HOXD10: variants seen among roughly 807,000 people sequenced by gnomAD.
The protein encoded by HOXD10 is homeobox D10, also known as homeobox protein Hox-D10.
Under a neutral mutation model 27.0 loss-of-function variants are expected in HOXD10, and 15 were observed. The ratio of observed to expected loss-of-function variants is 0.56; its 90% CI spans 0.37 to 0.85. HOXD10 has a LOEUF of 0.85. Ranked by LOEUF, HOXD10 falls within the 40% of genes least tolerant of loss-of-function variation. HOXD10 has a pLI of 0.00. For missense variants in HOXD10, 440 were observed against 430.4 expected, an observed-to-expected ratio of 1.02 and a Z score of -0.20; for synonymous variants, 178 against 160.9, an observed-to-expected ratio of 1.11 and a Z score of -0.80.
At position 176,118,836 on chromosome 2, in the gene HOXD10, G is replaced by A. The variant is rs1689809309; in HGVS notation, c.746-118G>A. 5 of 899,136 alleles carry A rather than the reference G, an allele frequency of 5.6e-6. No individual in the cohort carries two copies. In the East Asian group the frequency reaches 7.8e-5, roughly 14 times the overall value. The allele number at this position is 899,136 out of a possible 1,614,324, so 55.7% of individuals were successfully genotyped here. A position where few individuals can be genotyped will look rare whatever the true frequency, so the allele number is the denominator to read the frequency against. On this transcript the variant is annotated intron_variant, in intron 1 of 1. Transcript: ENST00000249501. ...TCACGGCCAAGGGTACATTTGAACAGTCTGAAGAAAAAAACAAAAACGAAA... is the reference window on the plus strand; with the variant it reads ...TCACGGCCAAGGGTACATTTGAACAATCTGAAGAAAAAAACAAAAACGAAA...
rs1448543493 is a variant in HOXD10, at chr2:176,118,886, A to C, written c.746-68A>C. The C allele has an allele frequency of 4.8e-5, 68 of 1,427,492 alleles. No homozygotes were observed. The East Asian group carries it at 1.6e-3, about 33-fold the overall frequency. The allele number at this position is 1,427,492 out of a possible 1,614,324, so 88.4% of individuals were successfully genotyped here. On this transcript the variant is annotated intron_variant, in intron 1 of 1. Transcript: ENST00000249501. The stretch of plus-strand genomic sequence containing the variant: ...AACCAAAACCAAAACCAAAACAAAA[A>C]CAAAAACAAAAACAAACAAACAAAA...
At position 176,119,278 on chromosome 2, in the gene HOXD10, G is replaced by T. The variant is rs114746583; in HGVS notation, c.*47G>T. The T allele has an allele frequency of 0.017, 27,673 of 1,598,680 alleles. 262 individuals are homozygous for T. Among genetic ancestry groups the T allele is most frequent in the Non-Finnish European group, 0.02 (23,618 of 1,170,402 alleles). ...GGTCAGAGGCCAGGATTGGAGAGGG[G>T]GCACCGCGTTCCAGGGCCCAGTGCT... On this transcript the variant is annotated 3_prime_UTR_variant, in exon 2 of 2. Transcript: ENST00000249501.
chr2:176,118,837 T>A, intron 1 of HOXD10, 117 bp from the exon 2 acceptor site: 1 of 904,626 alleles, frequency 1.1e-6, no homozygotes, highest in South Asian at 1.5e-5. Context: ...ATTTGAACAG[T>A]CTGAAGAAAA....
In HOXD10 at chr2:176,117,494, G is replaced by T. The variant is rs201752392; in HGVS notation, c.661G>T (p.Ala221Ser). Reference sequence around the variant, plus strand: ...AGTCTCCCAGGTGGAGAGCCCCGAGGCCAAAGGCGGCCTTCCCGAAGAGAG... The same window carrying T: ...AGTCTCCCAGGTGGAGAGCCCCGAGTCCAAAGGCGGCCTTCCCGAAGAGAG... ...TKVSQVESPE[A>S]KGGLPEERSC... Residue 221 changes from alanine (A) to serine (S), a missense_variant, in exon 1 of 2, where the codon GCC (alanine) becomes TCC (serine). Ala to Ser is a moderately conservative substitution (Grantham distance 99, BLOSUM62 1). Transcript: ENST00000249501. 303 of 1,613,048 alleles carry T rather than the reference G, an allele frequency of 1.9e-4. No individual in the cohort carries two copies. Among genetic ancestry groups the T allele is most frequent in the Non-Finnish European group, 2.6e-4 (301 of 1,180,042 alleles).
In HOXD10 at chr2:176,117,535, G is replaced by A. The variant is rs1199674759; in HGVS notation, c.702G>A (p.Glu234=). The change falls in exon 1 of 2, where the codon GAG becomes GAA. Residue 234 remains glutamate (E), a synonymous_variant. Coordinates refer to ENST00000249501, the MANE Select transcript of HOXD10 (RefSeq NM_002148.4). ...GLPEERSCLA[E]VSVSSPEVQE... ...CCGAAGAGAGGAGCTGCCTGGCTGA[G>A]GTCTCCGTGTCCAGTCCCGAAGTGC... 1 of 1,613,192 alleles carries A rather than the reference G, an allele frequency of 6.2e-7. No individual in the cohort carries two copies. Among genetic ancestry groups the A allele is most frequent in the Admixed American group, 1.7e-5 (1 of 60,034 alleles).
chr2:176,117,806 A>G (rs542581262), intron 1 of HOXD10, among the ~76,000 whole-genome samples: 55 of 150,700 alleles, frequency 3.6e-4, no homozygotes, highest in African/African-American at 1.2e-3. Flanking sequence ...GGCAGAGGAA[A>G]AGCTTGCCGG....
intron 1 of HOXD10, 70 bp downstream of exon 1, chr2:176,117,648 G>A: frequency 1.3e-6 from 2 of 1,573,004 alleles, no homozygotes; most frequent in Non-Finnish European, 1.7e-6. Context: ...GGGAGTGCCG[G>A]GGTGCCCAGC....
At position 176,119,465 on chromosome 2, in the gene HOXD10, A is replaced by ATATATATATATATATATATATAT. The variant is rs1559118669; in HGVS notation, c.*234_*235insTATATATATATATATATATATAT. On this transcript the variant is annotated 3_prime_UTR_variant, in exon 2 of 2. Transcript: ENST00000249501. ...TATATATATATATATATATATATAT[A>ATATATATATATATATATATATAT]AAAACTTAGCACGTGTAATTTATTA... 7 of 140,930 alleles carry ATATATATATATATATATATATAT rather than the reference A, an allele frequency of 5.0e-5. No individual in the cohort carries two copies. The highest frequency in any genetic ancestry group is 8.3e-5 in the African/African-American group (3 of 36,296). The allele number at this position is 140,930 out of a possible 1,614,324, so 8.7% of individuals were successfully genotyped here.
chr2:176,119,466 A>ATATATATATATATATATATAT lies in HOXD10; in HGVS notation c.*235_*236insTATATATATATATATATATAT, dbSNP rs1553518855. ...ATATATATATATATATATATATATA[A>ATATATATATATATATATATAT]AAACTTAGCACGTGTAATTTATTAT... On this transcript the variant is annotated 3_prime_UTR_variant, in exon 2 of 2. Transcript: ENST00000249501. The ATATATATATATATATATATAT allele has an allele frequency of 4.6e-5, 2 of 43,516 alleles. No homozygotes were observed. The highest frequency in any genetic ancestry group is 1.1e-4 in the African/African-American group (1 of 9,492). 2.7% of individuals were successfully genotyped at this position (43,516 alleles called of 1,614,324 possible).
intron 1 of HOXD10, among the ~76,000 whole-genome samples, chr2:176,117,935 C>T (rs1410938644): frequency 6.6e-6 from 1 of 152,224 alleles, no homozygotes; most frequent in East Asian, 1.9e-4. Flanking sequence ...CCAGTTTTGC[C>T]TTGAGCCCAA....
chr2:176,118,978 C>A lies in HOXD10; in HGVS notation c.770C>A (p.Thr257Asn). Reference sequence around the variant, plus strand: ...GAGGAAATCAAGTCTGATACACCAACCAGCAATTGGCTCACTGCAAAGAGT... The same window carrying A: ...GAGGAAATCAAGTCTGATACACCAAACAGCAATTGGCTCACTGCAAAGAGT... ...SKEEIKSDTP[T>N]SNWLTAKSGR... Residue 257 changes from threonine to asparagine, a missense_variant, in exon 2 of 2, where the codon ACC becomes AAC. Physicochemically the swap from Thr to Asn is moderately conservative, Grantham distance 65. Coordinates refer to ENST00000249501, the MANE Select transcript of HOXD10 (RefSeq NM_002148.4). The A allele has an allele frequency of 3.7e-6, 6 of 1,613,544 alleles. No homozygotes were observed. The highest frequency in any genetic ancestry group is 5.1e-6 in the Non-Finnish European group (6 of 1,179,726).
Position 176,117,470 on chromosome 2 carries a change from G to T in HOXD10, c.637G>T (p.Val213Phe). The change falls in exon 1 of 2, where the codon GTC becomes TTC. Residue 213 changes from valine (V) to phenylalanine (F), a missense_variant. Val to Phe is a conservative substitution (Grantham distance 50, BLOSUM62 -1). Coordinates refer to ENST00000249501, the MANE Select transcript of HOXD10 (RefSeq NM_002148.4). ...EPVSGQEPTK[V>F]SQVESPEAKG... is the part of the protein sequence containing the mutation. ...CGTGAGCGGCCAGGAGCCCACCAAA[G>T]TCTCCCAGGTGGAGAGCCCCGAGGC... 1 of 1,613,110 alleles carries T rather than the reference G, an allele frequency of 6.2e-7. No homozygotes were observed. Among genetic ancestry groups the T allele is most frequent in the Non-Finnish European group, 8.5e-7 (1 of 1,180,008 alleles).
In HOXD10 at chr2:176,117,012, G is replaced by A; in HGVS notation, c.179G>A (p.Arg60Lys). The A allele has an allele frequency of 6.2e-7, 1 of 1,614,166 alleles. No individual in the cohort carries two copies. Among genetic ancestry groups the A allele is most frequent in the Non-Finnish European group, 8.5e-7 (1 of 1,180,030 alleles). ...TCGLLPSLAK[R>K]EVNHQNMGMN... ...GGACTGCTCCCGTCTCTGGCCAAAA[G>A]AGAAGTGAACCACCAAAATATGGGT... The change falls in exon 1 of 2, where the codon AGA becomes AAA. Residue 60 changes from arginine (R) to lysine (K), a missense_variant. Coordinates refer to ENST00000249501, the MANE Select transcript of HOXD10 (RefSeq NM_002148.4).
In HOXD10 at chr2:176,119,047, A is replaced by T; in HGVS notation, c.839A>T (p.Glu280Val). ...RCPYTKHQTL[E>V]LEKEFLFNMY... Reference sequence around the variant, plus strand: ...CCTTACACTAAGCACCAAACGCTGGAATTAGAAAAAGAGTTCTTGTTCAAT... The same window carrying T: ...CCTTACACTAAGCACCAAACGCTGGTATTAGAAAAAGAGTTCTTGTTCAAT... Residue 280 changes from glutamate (E) to valine (V), a missense_variant, in exon 2 of 2, where the codon GAA becomes GTA. Transcript: ENST00000249501. 1 of 1,614,120 alleles carries T rather than the reference A, an allele frequency of 6.2e-7. No homozygotes were observed. Among genetic ancestry groups the T allele is most frequent in the Admixed American group, 1.7e-5 (1 of 60,028 alleles).
Position 176,117,154 on chromosome 2 carries a change from T to G in HOXD10, c.321T>G (p.Ile107Met). 2.5e-6 allele frequency: 4 copies of G among 1,614,078 alleles called. No homozygotes were observed. The highest frequency in any genetic ancestry group is 1.7e-6 in the Non-Finnish European group (2 of 1,180,008). Residue 107 changes from isoleucine to methionine, a missense_variant, in exon 1 of 2, where the codon ATT becomes ATG. Coordinates refer to ENST00000249501, the MANE Select transcript of HOXD10 (RefSeq NM_002148.4). ...CCACTTGCTCCTTCACCACCAACAT[T>G]AAGGAAGAATCCAATTGCTGCATGT... ...QVPTCSFTTN[I>M]KEESNCCMYS... is the part of the protein sequence containing the mutation.
Position 176,116,940 on chromosome 2 carries a change from T to G in HOXD10, c.107T>G (p.Met36Arg), listed in dbSNP as rs1162235732. 1 of 1,614,054 alleles carries G rather than the reference T, an allele frequency of 6.2e-7. No individual in the cohort carries two copies. Among genetic ancestry groups the G allele is most frequent in the African/African-American group, 1.3e-5 (1 of 74,926 alleles). Reference protein sequence around the residue: ...SFYSSSASMYMPPPSADMGTY... With the variant: ...SFYSSSASMYRPPPSADMGTY... ...TATTCCAGCAGCGCCAGCATGTACA[T>G]GCCACCACCTAGCGCAGACATGGGG... The change falls in exon 1 of 2, where the codon ATG (methionine) becomes AGG (arginine). Residue 36 changes from methionine to arginine, a missense_variant. Met to Arg is a moderately conservative substitution (Grantham distance 91). Coordinates refer to ENST00000249501, the MANE Select transcript of HOXD10 (RefSeq NM_002148.4).
chr2:176,118,948 T>G lies in HOXD10; in HGVS notation c.746-6T>G, dbSNP rs199965277. The G allele has an allele frequency of 7.6e-5, 122 of 1,610,170 alleles. No homozygotes were observed. In the African/African-American group the frequency reaches 1.6e-3, roughly 21 times the overall value. On this transcript the variant is annotated splice_polypyrimidine_tract_variant and splice_region_variant and intron_variant, in intron 1 of 1. Coordinates refer to ENST00000249501, the MANE Select transcript of HOXD10 (RefSeq NM_002148.4). ...TTTTTTCTTCTTCTCCCTTTAATTT[T>G]GTTAGAGGAAATCAAGTCTGATACA... is the stretch of plus-strand genomic sequence containing the variant.
Position 176,117,541 on chromosome 2 carries a change from C to T in HOXD10, c.708C>T (p.Ser236=), listed in dbSNP as rs754834998. ...PEERSCLAEV[S]VSSPEVQEKE... ...AGAGGAGCTGCCTGGCTGAGGTCTCCGTGTCCAGTCCCGAAGTGCAGGAGA... is the reference window on the plus strand; with the variant it reads ...AGAGGAGCTGCCTGGCTGAGGTCTCTGTGTCCAGTCCCGAAGTGCAGGAGA... The change falls in exon 1 of 2, where the codon TCC becomes TCT. Residue 236 remains serine, a synonymous_variant. Transcript: ENST00000249501. 6.2e-7 allele frequency: 1 copy of T among 1,613,182 alleles called. No individual in the cohort carries two copies. The highest frequency in any genetic ancestry group is 1.1e-5 in the South Asian group (1 of 91,092).
chr2:176,118,589 C>T (rs1302584871), intron 1 of HOXD10, among the ~76,000 whole-genome samples: 1 of 152,076 alleles, frequency 6.6e-6, no homozygotes, highest in Admixed American at 6.5e-5. Context: ...AGGAGCTGAA[C>T]CCTTAGAATG....
Sources: allele counts gnomAD v4.1 joint callset (sites outside exome capture counted in the v4.1 genomes callset), GRCh38; gene constraint gnomAD v4.1.1; transcripts MANE v1.5; gene names NCBI Gene and HGNC (gene_info 2026-07-23, HGNC 2026-07-21).